Variants in ESRRG observed in about 807,000 individuals in gnomAD.
ESRRG encodes estrogen related receptor gamma.
ESRRG carries 13 observed loss-of-function variants against 44.0 expected under a neutral mutation model. The observed-to-expected ratio is 0.30, with a 90% CI of 0.19 to 0.47. The LOEUF (loss-of-function observed/expected upper bound fraction) is 0.47. Ranked by LOEUF, ESRRG falls within the 20% of genes least tolerant of loss-of-function variation. The probability of loss-of-function intolerance (pLI) is 1.00; values close to 1 mark genes in which losing one functional copy is unlikely to be tolerated. For synonymous variants in ESRRG, 215 were observed against 214.6 expected, an observed-to-expected ratio of 1.00 and a Z score of -0.02; for missense variants, 395 against 580.6, an observed-to-expected ratio of 0.68 and a Z score of 3.29.
chr1:216,712,501 G>A (rs996702192), intron 1 of ESRRG, among the ~76,000 whole-genome samples: 33 of 152,108 alleles, frequency 2.2e-4, no homozygotes, highest in Admixed American at 2.1e-3. Flanking sequence ...TAGTATTGGC[G>A]ACGTGATGAA....
Position 216,537,932 on chromosome 1 carries a change from A to G in ESRRG, c.863-18511T>C, listed in dbSNP as rs140706746. 5.3e-5 allele frequency among the ~76,000 whole-genome samples: 8 copies of G among 152,178 alleles called. No homozygotes were observed. The East Asian group carries it at 1.6e-3, about 30-fold the overall frequency. ...TTCCAACTATCATTTTCCCTTTCCC[A>G]AACAAGCCATGCTGTTTTGTATTTC... is the stretch of plus-strand genomic sequence containing the variant. On this transcript the variant is annotated intron_variant, in intron 5 of 6. Coordinates refer to ENST00000408911, the MANE Select transcript of ESRRG (RefSeq NM_001438.4).
chr1:216,563,715 T>A (rs1050597092), intron 5 of ESRRG, among the ~76,000 whole-genome samples: 1 of 152,212 alleles, frequency 6.6e-6, no homozygotes, highest in African/African-American at 2.4e-5. Flanking sequence ...GTCCATTTAA[T>A]ATTTATTTTC....
chr1:217,011,759 C>T (rs964740309), intron 1 of ESRRG, among the ~76,000 whole-genome samples: 1 of 152,122 alleles, frequency 6.6e-6, no homozygotes, highest in Non-Finnish European at 1.5e-5. Context: ...TCCTGACTTC[C>T]CAGCTTCAGG....
intron 2 of ESRRG, among the ~76,000 whole-genome samples, chr1:216,842,470 A>G (rs2095667596): frequency 6.6e-6 from 1 of 152,328 alleles, no homozygotes; most frequent in African/African-American, 2.4e-5. Flanking sequence ...TGGTTGCAGC[A>G]GCTATGGCTG....
intron 1 of ESRRG, among the ~76,000 whole-genome samples, chr1:216,989,765 T>C (rs1346856397): frequency 1.3e-5 from 2 of 152,174 alleles, no homozygotes; most frequent in East Asian, 1.9e-4. Context: ...TTGGTTTCCA[T>C]GGGCTTCTAC....
intron 2 of ESRRG, among the ~76,000 whole-genome samples, chr1:216,930,873 C>T (rs6677596): frequency 0.8 from 121,233 of 152,116 alleles, 48,463 homozygotes; most frequent in East Asian, 0.97. Context: ...GGAAGCATTG[C>T]CTGTAGAACA....
intron 2 of ESRRG, among the ~76,000 whole-genome samples, chr1:216,755,226 T>A (rs1196143889): frequency 6.6e-6 from 1 of 152,002 alleles, no homozygotes; most frequent in Admixed American, 6.6e-5. Context: ...GTTCTGTAAT[T>A]TCCTGAATTA....
intron 1 of ESRRG, among the ~76,000 whole-genome samples, chr1:217,040,810 A>T (rs1311629656): frequency 6.6e-6 from 1 of 152,148 alleles, no homozygotes; most frequent in Non-Finnish European, 1.5e-5. Flanking sequence ...TACTCTTTGT[A>T]CTTATGCTAG....
chr1:216,636,657 A>G (rs1391178693), intron 3 of ESRRG, among the ~76,000 whole-genome samples: 4 of 152,238 alleles, frequency 2.6e-5, no homozygotes, highest in Non-Finnish European at 5.9e-5. Flanking sequence ...GTTAGATTCT[A>G]GAACTGCAAG....
At chr1:216,981,676 A>T (rs1020217010) in intron 1 of ESRRG, among the ~76,000 whole-genome samples, 2 of 151,922 alleles carry the variant, frequency 1.3e-5, no homozygotes, top group South Asian at 4.2e-4. Context: ...TATAATCTCC[A>T]ATTGTGTTGA....
At chr1:216,780,464 G>C (rs1370393147) in intron 2 of ESRRG, among the ~76,000 whole-genome samples, 1 of 151,976 alleles carries the variant, frequency 6.6e-6, no homozygotes, top group Non-Finnish European at 1.5e-5. Context: ...TACATATTTA[G>C]ATATGGAATA....
At chr1:216,563,277 C>T (rs143498031) in intron 5 of ESRRG, among the ~76,000 whole-genome samples, 34 of 152,278 alleles carry the variant, frequency 2.2e-4, no homozygotes, top group African/African-American at 7.5e-4. Context: ...GTCGCCTGAA[C>T]GCTGCACACC....
At chr1:216,959,273 T>C (rs1164571759) in intron 1 of ESRRG, among the ~76,000 whole-genome samples, 1 of 152,096 alleles carries the variant, frequency 6.6e-6, no homozygotes, top group African/African-American at 2.4e-5. Context: ...TTGAACTCTT[T>C]ACCAACTTAA....
At chr1:216,952,555 T>C (rs2067156229) in intron 1 of ESRRG, among the ~76,000 whole-genome samples, 1 of 152,096 alleles carries the variant, frequency 6.6e-6, no homozygotes, top group Non-Finnish European at 1.5e-5. Flanking sequence ...GTAAAGATGG[T>C]AGTAGCAACT....
intron 2 of ESRRG, among the ~76,000 whole-genome samples, chr1:216,768,909 C>T (rs1203297378): frequency 1.3e-5 from 2 of 152,042 alleles, no homozygotes; most frequent in Non-Finnish European, 2.9e-5. Context: ...ATTAAATCCC[C>T]CCCATATATA....
intron 5 of ESRRG, among the ~76,000 whole-genome samples, chr1:216,535,540 G>A (rs1313759965): frequency 6.6e-6 from 1 of 152,086 alleles, no homozygotes; most frequent in East Asian, 1.9e-4. Flanking sequence ...GTCTGTAGCA[G>A]GACTAATTCT....
chr1:216,938,599 G>A (rs2064576984), intron 2 of ESRRG, among the ~76,000 whole-genome samples: 1 of 152,214 alleles, frequency 6.6e-6, no homozygotes. Context: ...TTTCCACACT[G>A]AAGCAGGAGT....
intron 2 of ESRRG, among the ~76,000 whole-genome samples, chr1:216,667,544 G>T (rs1447251531): frequency 6.6e-6 from 1 of 151,676 alleles, no homozygotes; most frequent in Non-Finnish European, 1.5e-5. Flanking sequence ...AAATTAGCCA[G>T]GCATGGTGGT....
intron 3 of ESRRG, among the ~76,000 whole-genome samples, chr1:216,623,114 G>C (rs1244099047): frequency 9.3e-6 from 1 of 107,916 alleles, no homozygotes; most frequent in Non-Finnish European, 1.7e-5. Context: ...ATGGAGTCTC[G>C]CTCTGTCACC....
Sources: allele counts gnomAD v4.1 joint callset (sites outside exome capture counted in the v4.1 genomes callset), GRCh38; gene constraint gnomAD v4.1.1; transcripts MANE v1.5; gene names NCBI Gene and HGNC (gene_info 2026-07-23, HGNC 2026-07-21).